PATJ: variants seen among roughly 807,000 people sequenced by gnomAD.
PATJ encodes the protein inaD-like protein.
PATJ carries 190 observed loss-of-function variants against 224.9 expected under a neutral mutation model. That is an observed-to-expected ratio of 0.84 (90% CI 0.75 to 0.95). The LOEUF (loss-of-function observed/expected upper bound fraction) is 0.95. Ranked by LOEUF, PATJ falls within the 40% of genes least tolerant of loss-of-function variation. PATJ has a pLI of 0.00. For missense variants in PATJ, 2,121 were observed against 2,270.3 expected, an observed-to-expected ratio of 0.93 and a Z score of 1.34; for synonymous variants, 769 against 820.3, an observed-to-expected ratio of 0.94 and a Z score of 1.07.
rs377489788 is a variant in PATJ, at chr1:62,144,777, A to AAAAAATATATAT, written c.5272-3506_5272-3505insAAAATATATATA. On this transcript the variant is annotated intron_variant, in intron 41 of 43. Transcript: ENST00000642238. Reference sequence around the variant, plus strand: ...TAGAATGTTATTTGCAAAAAAAAAAAATATATATATATATATATAATTAGC... The same window carrying AAAAAATATATAT: ...TAGAATGTTATTTGCAAAAAAAAAAAAAAAATATATATATATATATATATATATATAATTAGC... Among the ~76,000 whole-genome samples the AAAAAATATATAT allele has an allele frequency of 1.3e-4, 16 of 119,102 alleles. No individual in the cohort carries two copies. In the East Asian group the frequency reaches 4.9e-3, roughly 37 times the overall value. 78.1% of individuals were successfully genotyped at this position (119,102 alleles called of 152,430 possible). A position where few individuals can be genotyped will look rare whatever the true frequency, so the allele number is the denominator to read the frequency against.
At chr1:62,135,473 G>A (rs1261732452) in intron 41 of PATJ, among the ~76,000 whole-genome samples, 1 of 139,550 alleles carries the variant, frequency 7.2e-6, no homozygotes, top group South Asian at 2.3e-4. Flanking sequence ...ATGAGATCGC[G>A]CCACTGCACT....
rs371914740 is a variant in PATJ at position 61,833,691 on chromosome 1, A to G, written c.2018A>G (p.Asp673Gly). The G allele has an allele frequency of 6.2e-7, 1 of 1,613,388 alleles. No individual in the cohort carries two copies. The highest frequency in any genetic ancestry group is 1.7e-5 in the Admixed American group (1 of 59,980). Residue 673 changes from aspartate to glycine, a missense_variant, in exon 17 of 44, where the codon GAT becomes GGT. Transcript: ENST00000642238. ...ATGGATGTCAATACTGAAGAAGATG[A>G]TGATGGGGAATTAGCACTGTGGTCC... ...HNMDVNTEED[D>G]DGELALWSPE...
At chr1:61,821,017 A>G (rs1657147517) in intron 14 of PATJ, among the ~76,000 whole-genome samples, 1 of 152,074 alleles carries the variant, frequency 6.6e-6, no homozygotes, top group African/African-American at 2.4e-5. Flanking sequence ...AGAAAGCACA[A>G]GAGAGGGAAC....
chr1:61,761,101 C>G (rs944033156), intron 1 of PATJ, among the ~76,000 whole-genome samples: 21 of 152,076 alleles, frequency 1.4e-4, no homozygotes, highest in African/African-American at 5.1e-4. Flanking sequence ...ACCTCAGTCT[C>G]CAGTGTAGCT....
At chr1:62,058,769 C>A (rs55738659) in intron 31 of PATJ, among the ~76,000 whole-genome samples, 1 of 152,114 alleles carries the variant, frequency 6.6e-6, no homozygotes, top group Non-Finnish European at 1.5e-5. Context: ...ATCTGTGCAG[C>A]GTTTCGAGCT....
chr1:62,089,860 G>T (rs1281677602), intron 33 of PATJ, among the ~76,000 whole-genome samples: 2 of 152,114 alleles, frequency 1.3e-5, no homozygotes, highest in Non-Finnish European at 2.9e-5. Flanking sequence ...TCGCACATTT[G>T]GTTAAGTGAT....
At chr1:62,150,869 G>A (rs1443113610) in intron 42 of PATJ, among the ~76,000 whole-genome samples, 2 of 152,124 alleles carry the variant, frequency 1.3e-5, no homozygotes, top group African/African-American at 2.4e-5. Context: ...AAGGCCGGGC[G>A]TGGTGGCTTA....
intron 39 of PATJ, among the ~76,000 whole-genome samples, chr1:62,123,540 C>T (rs1185421226): frequency 8.0e-6 from 1 of 125,748 alleles, no homozygotes; most frequent in African/African-American, 3.1e-5. Flanking sequence ...TGCACTGGTG[C>T]GATCTCGGCT....
intron 41 of PATJ, 38 bp downstream of exon 41, chr1:62,128,983 G>C: frequency 7.3e-7 from 1 of 1,369,540 alleles, no homozygotes. Flanking sequence ...GTGCAAGGCA[G>C]ATAAGTGGCA....
chr1:61,900,802 G>A (rs1044815401), intron 23 of PATJ, among the ~76,000 whole-genome samples: 26 of 152,110 alleles, frequency 1.7e-4, no homozygotes, highest in African/African-American at 5.8e-4. Context: ...TGTTAGCCAG[G>A]ATGGTCTCGA....
intron 20 of PATJ, among the ~76,000 whole-genome samples, chr1:61,872,888 G>A (rs1571030446): frequency 1.3e-5 from 2 of 152,228 alleles, no homozygotes; most frequent in East Asian, 3.9e-4. Context: ...TTCTGTTGCT[G>A]GGGCTCTGCT....
Position 62,117,200 on chromosome 1 carries a change from GA to G in PATJ, c.4873del (p.Thr1625HisfsTer55), listed in dbSNP as rs1664533978. 2 of 1,613,972 alleles carry G rather than the reference GA, an allele frequency of 1.2e-6. No homozygotes were observed. Among genetic ancestry groups the G allele is most frequent in the Non-Finnish European group, 1.7e-6 (2 of 1,179,996 alleles). ...RAGSWTSART[T>X]SQNSQGSQQS... is the part of the protein sequence containing the mutation. ...CTGGTTCCTGGACCTCCGCAAGGAC[GA>G]CATCACAGAACAGTCAGGTTGTCGA... On this transcript the variant is annotated frameshift_variant, in exon 37 of 44. Transcript: ENST00000642238. LOFTEE classifies it high-confidence loss of function.
intron 16 of PATJ, among the ~76,000 whole-genome samples, chr1:61,831,187 C>CAAA (rs545292546): frequency 1.5e-5 from 1 of 65,302 alleles, no homozygotes; most frequent in Non-Finnish European, 3.2e-5. Context: ...GACTCTGTCT[C>CAAA]AAAAAAAAAA....
intron 9 of PATJ, among the ~76,000 whole-genome samples, chr1:61,792,963 C>A (rs72929633): frequency 6.6e-6 from 1 of 152,128 alleles, no homozygotes; most frequent in African/African-American, 2.4e-5. Context: ...TTATTCTATT[C>A]ATTGGACTTT....
intron 15 of PATJ, among the ~76,000 whole-genome samples, chr1:61,824,429 C>CTTTTT (rs33949343): frequency 7.2e-6 from 1 of 138,252 alleles, no homozygotes; most frequent in African/African-American, 2.7e-5. Context: ...ACCTTTTTTC[C>CTTTTT]TTTTTTTTTT....
Position 62,084,716 on chromosome 1 carries a change from C to A in PATJ, c.4377+68C>A, listed in dbSNP as rs754426846. On this transcript the variant is annotated intron_variant, in intron 33 of 43. Transcript: ENST00000642238. ...GTTGTTGAGGTTAATTTTGGCCCTG[C>A]GCCACAACTCTGCAAGACTTGCCTT... The A allele has an allele frequency of 2.0e-6, 3 of 1,495,850 alleles. No individual in the cohort carries two copies. The East Asian group carries it at 6.9e-5, about 34-fold the overall frequency. 92.7% of individuals were successfully genotyped at this position (1,495,850 alleles called of 1,614,324 possible).
intron 33 of PATJ, 80 bp downstream of exon 33, chr1:62,084,728 G>A (rs1235344241): frequency 1.5e-6 from 2 of 1,372,012 alleles, no homozygotes; most frequent in Non-Finnish European, 2.0e-6. Flanking sequence ...CCACAACTCT[G>A]CAAGACTTGC....
intron 22 of PATJ, among the ~76,000 whole-genome samples, chr1:61,894,933 G>A (rs1236219708): frequency 1.3e-5 from 2 of 152,114 alleles, no homozygotes; most frequent in African/African-American, 4.8e-5. Context: ...AGGCTGAGTT[G>A]GTCTCAGATG....
At position 61,875,267 on chromosome 1, in the gene PATJ, T is replaced by A. The variant is rs938318243; in HGVS notation, c.2860T>A (p.Ser954Thr). 1.2e-6 allele frequency: 2 copies of A among 1,600,286 alleles called. No homozygotes were observed. The highest frequency in any genetic ancestry group is 1.7e-6 in the Non-Finnish European group (2 of 1,171,650). ...NVMKENFVME[S>T]LPSVPSTEGN... ...GATGAAAGAAAATTTTGTCATGGAG[T>A]CCCTACCATCTGTACCATCAACTGA... is the stretch of plus-strand genomic sequence containing the variant. The change falls in exon 21 of 44, where the codon TCC (serine) becomes ACC (threonine). Residue 954 changes from serine (S) to threonine (T), a missense_variant. Coordinates refer to ENST00000642238, the MANE Select transcript of PATJ (RefSeq NM_001350145.3).
Sources: allele counts gnomAD v4.1 joint callset (sites outside exome capture counted in the v4.1 genomes callset), GRCh38; gene constraint gnomAD v4.1.1; transcripts MANE v1.5; gene names NCBI Gene and HGNC (gene_info 2026-07-23, HGNC 2026-07-21).